PCIF1: variants seen among roughly 807,000 people sequenced by gnomAD.
PCIF1 encodes the protein phosphorylated CTD interacting factor 1, also known as mRNA (2'-O-methyladenosine-N(6)-)-methyltransferase.
A neutral mutation model predicts 86.9 loss-of-function variants in PCIF1; 12 were observed. The observed-to-expected ratio is 0.14, with a 90% confidence interval of 0.09 to 0.22. PCIF1 has a LOEUF of 0.22. Among genes scored for constraint, PCIF1 ranks in the 10% least tolerant of loss-of-function variants. The probability of loss-of-function intolerance (pLI) is 1.00; values close to 1 mark genes in which losing one functional copy is unlikely to be tolerated. For missense variants in PCIF1, 701 were observed against 951.1 expected (o/e 0.74, Z 3.46); for synonymous variants, 397 against 372.0 (o/e 1.07, Z -0.77).
Position 45,940,660 on chromosome 20 carries a change from G to A in PCIF1, c.387+48G>A, listed in dbSNP as rs78792495. 2.7e-4 allele frequency: 427 copies of A among 1,579,208 alleles called. No individual in the cohort carries two copies. The African/African-American group carries it at 5.1e-3, about 19-fold the overall frequency. ...CGGCTGCCGAGCGGCCGGCTCAGAC[G>A]GGCCGCCTGCAGGCTCCCTGCAGGG... On this transcript the variant is annotated intron_variant, in intron 5 of 16. Coordinates refer to ENST00000372409, the MANE Select transcript of PCIF1 (RefSeq NM_022104.4).
intron 13 of PCIF1, 31 bp from the exon 14 acceptor site, chr20:45,946,169 G>T: frequency 6.2e-7 from 1 of 1,614,156 alleles, no homozygotes; most frequent in Admixed American, 1.7e-5. Flanking sequence ...GGGAGGGTGA[G>T]CCCCAGGTGC....
At chr20:45,939,168 C>T (rs376566494) in intron 3 of PCIF1, 45 bp downstream of exon 3, 1 of 1,613,992 alleles carries the variant, frequency 6.2e-7, no homozygotes, top group Admixed American at 1.7e-5. Flanking sequence ...AGGAAGGGCA[C>T]CCTGGGAGCA....
In PCIF1 at chr20:45,939,466, AAGAC is replaced by A. The variant is rs370123669; in HGVS notation, c.249+133_249+136del. The stretch of plus-strand genomic sequence containing the variant: ...GGCACCTGCAGATACAATGACAAGC[AAGAC>A]AGACACAGCCCCTGCCCTCATGGAA... On this transcript the variant is annotated intron_variant, in intron 4 of 16. Transcript: ENST00000372409. 29 of 1,372,862 alleles carry A rather than the reference AAGAC, an allele frequency of 2.1e-5. No homozygotes were observed. The African/African-American group carries it at 2.1e-4, about 10-fold the overall frequency. The allele number at this position is 1,372,862 out of a possible 1,614,324, so 85.0% of individuals were successfully genotyped here.
Position 45,941,265 on chromosome 20 carries a change from G to GT in PCIF1, c.673+61dup, listed in dbSNP as rs1336659844. 1.9e-6 allele frequency: 3 copies of GT among 1,541,650 alleles called. No homozygotes were observed. In the Admixed American group the frequency reaches 5.8e-5, roughly 30 times the overall value. ...TCCACCCACCTTTAGCATGAGCCAG[G>GT]TTTGGCCAGGCCAGTTTGGGGATGG... is the stretch of plus-strand genomic sequence containing the variant. On this transcript the variant is annotated intron_variant, in intron 7 of 16. Transcript: ENST00000372409.
intron 1 of PCIF1, among the ~76,000 whole-genome samples, chr20:45,936,119 G>T (rs2083423327): frequency 6.6e-6 from 1 of 152,146 alleles, no homozygotes; most frequent in South Asian, 2.1e-4. Flanking sequence ...ACAGATCAGT[G>T]ATAGGTATGT....
rs887263153 is a variant in PCIF1, at chr20:45,939,419, G to T, written c.249+80G>T. The T allele has an allele frequency of 2.5e-6, 4 of 1,584,346 alleles. No individual in the cohort carries two copies. The African/African-American group carries it at 4.0e-5, about 16-fold the overall frequency. On this transcript the variant is annotated intron_variant, in intron 4 of 16. Coordinates refer to ENST00000372409, the MANE Select transcript of PCIF1 (RefSeq NM_022104.4). ...TTCCCCAAATGTACCCTGAGCAGCC[G>T]TTCAGTGCCCAGCCCTGTGCTGGCA...
chr20:45,935,161 C>G (rs2083409569), intron 1 of PCIF1, among the ~76,000 whole-genome samples: 1 of 151,058 alleles, frequency 6.6e-6, no homozygotes, highest in African/African-American at 2.4e-5. Flanking sequence ...CGCCAAACAG[C>G]CCACCCTCGC....
intron 7 of PCIF1, among the ~76,000 whole-genome samples, chr20:45,941,686 C>G (rs2083471494): frequency 6.6e-6 from 1 of 151,786 alleles, no homozygotes; most frequent in Non-Finnish European, 1.5e-5. Context: ...TCCTGAACTC[C>G]TGACCTTGTG....
chr20:45,939,400 A>T, intron 4 of PCIF1, 61 bp downstream of exon 4: 2 of 1,603,908 alleles, frequency 1.2e-6, no homozygotes, highest in Non-Finnish European at 1.7e-6. Flanking sequence ...GGCCTTCCCC[A>T]AATGTACCCT....
Position 45,943,126 on chromosome 20 carries a change from C to T in PCIF1, c.703C>T (p.Arg235Cys). ...TGAGCCTCCACGGGAGTCTTTCAAC[C>T]GCTGGATGCTGGAGCGCAAGGTGGT... ...GIEPPRESFN[R>C]WMLERKVVDK... is the part of the protein sequence containing the mutation. Residue 235 changes from arginine to cysteine, a missense_variant, in exon 8 of 17, where the codon CGC (arginine) becomes TGC (cysteine). By Grantham distance (180) the Arg-to-Cys change is radical. This residue lies in a region of PCIF1 where 129 missense variants were observed against 245.9 expected (regional missense o/e 0.52). Transcript: ENST00000372409. This position sits in a 1 kb window ranked among gnomAD's most constrained non-coding sequence, Gnocchi z 5.5. The T allele has an allele frequency of 6.2e-7, 1 of 1,613,976 alleles. No individual in the cohort carries two copies. Among genetic ancestry groups the T allele is most frequent in the Non-Finnish European group, 8.5e-7 (1 of 1,180,008 alleles).
chr20:45,943,119 T>C lies in PCIF1; in HGVS notation c.696T>C (p.Ser232=). The C allele has an allele frequency of 1.9e-6, 3 of 1,614,014 alleles. No individual in the cohort carries two copies. Among genetic ancestry groups the C allele is most frequent in the Non-Finnish European group, 2.5e-6 (3 of 1,180,032 alleles). Reference sequence around the variant, plus strand: ...CAGGCATTGAGCCTCCACGGGAGTCTTTCAACCGCTGGATGCTGGAGCGCA... The same window carrying C: ...CAGGCATTGAGCCTCCACGGGAGTCCTTCAACCGCTGGATGCTGGAGCGCA... ...QREGIEPPRE[S]FNRWMLERKV... is the part of the protein sequence containing the mutation. The change falls in exon 8 of 17, where the codon TCT becomes TCC. Residue 232 remains serine, a synonymous_variant. Transcript: ENST00000372409. This position sits in a 1 kb window ranked among gnomAD's most constrained non-coding sequence, Gnocchi z 5.5.
chr20:45,939,066 T>G lies in PCIF1; in HGVS notation c.67T>G (p.Ser23Ala). The G allele has an allele frequency of 6.2e-7, 1 of 1,613,758 alleles. No homozygotes were observed. The highest frequency in any genetic ancestry group is 1.1e-5 in the South Asian group (1 of 91,048). The change falls in exon 3 of 17, where the codon TCC (serine) becomes GCC (alanine). Residue 23 changes from serine (S) to alanine (A), a missense_variant. By Grantham distance (99) the Ser-to-Ala change is moderately conservative. Coordinates refer to ENST00000372409, the MANE Select transcript of PCIF1 (RefSeq NM_022104.4). ...ASLLSHSPGT[S>A]NQSQPCSPKP... The stretch of plus-strand genomic sequence containing the variant: ...CCTGCTGAGTCACTCCCCAGGTACC[T>G]CCAATCAGAGCCAGCCCTGTTCTCC...
At position 45,947,347 on chromosome 20, in the gene PCIF1, C is replaced by A. The variant is rs144987485; in HGVS notation, c.1792C>A (p.Arg598Ser). The change falls in exon 16 of 17, where the codon CGC becomes AGC. Residue 598 changes from arginine (R) to serine (S), a missense_variant. By Grantham distance (110) the Arg-to-Ser change is moderately radical (BLOSUM62 -1). Transcript: ENST00000372409. This position sits in a 1 kb window ranked among gnomAD's most constrained non-coding sequence, Gnocchi z 5.4. ...WREPPTPALT[R>S]MEQSRFKRHQ... is the part of the protein sequence containing the mutation. The stretch of plus-strand genomic sequence containing the variant: ...GGAACCCCCAACACCAGCGCTCACC[C>A]GCATGGAGCAGAGCCGCTTCAAACG... 5 of 1,614,032 alleles carry A rather than the reference C, an allele frequency of 3.1e-6. No homozygotes were observed. The highest frequency in any genetic ancestry group is 4.2e-6 in the Non-Finnish European group (5 of 1,180,020).
At chr20:45,942,912 T>G (rs190821461) in intron 7 of PCIF1, among the ~76,000 whole-genome samples, 185 bp from the exon 8 acceptor site, 2 of 151,856 alleles carry the variant, frequency 1.3e-5, no homozygotes, top group Non-Finnish European at 2.9e-5. Flanking sequence ...TACGCCTGGC[T>G]AGATACTTAT....
At position 45,937,447 on chromosome 20, in the gene PCIF1, C is replaced by T. The variant is rs142527107; in HGVS notation, c.-158C>T. ...TGATGCAAGGAATCCCCTGGGCTCC[C>T]GTCCACTCCACTGCTGACCAGCCCA... On this transcript the variant is annotated 5_prime_UTR_variant, in exon 2 of 17. Transcript: ENST00000372409. The T allele has an allele frequency of 1.8e-5, 7 of 399,322 alleles. No homozygotes were observed. The highest frequency in any genetic ancestry group is 1.3e-4 in the South Asian group (1 of 7,854). The allele number at this position is 399,322 out of a possible 1,614,324, so 24.7% of individuals were successfully genotyped here.
Position 45,943,649 on chromosome 20 carries a change from C to A in PCIF1, c.906-17C>A. 6.4e-7 allele frequency: 1 copy of A among 1,553,064 alleles called. No homozygotes were observed. The highest frequency in any genetic ancestry group is 8.7e-7 in the Non-Finnish European group (1 of 1,146,940). On this transcript the variant is annotated splice_polypyrimidine_tract_variant and intron_variant, in intron 9 of 16. Coordinates refer to ENST00000372409, the MANE Select transcript of PCIF1 (RefSeq NM_022104.4). The surrounding 1 kb of genome is among the most constrained non-coding windows in gnomAD (Gnocchi z 5.5). ...AGCCAAGCCATTCCTTTCTTCTGCC[C>A]TCCCCTTGACTGGCAGGAGTGCATC...
chr20:45,935,371 T>G (rs1256558623), intron 1 of PCIF1, among the ~76,000 whole-genome samples: 1 of 151,790 alleles, frequency 6.6e-6, no homozygotes, highest in East Asian at 1.9e-4. Context: ...TTCTGGTGGG[T>G]TTTTCTGGTT....
Position 45,941,188 on chromosome 20 carries a change from G to A in PCIF1, c.654G>A (p.Glu218=), listed in dbSNP as rs767488854. 8.7e-6 allele frequency: 14 copies of A among 1,609,084 alleles called. No individual in the cohort carries two copies. The highest frequency in any genetic ancestry group is 1.3e-5 in the African/African-American group (1 of 74,956). The change falls in exon 7 of 17, where the codon GAG becomes GAA. Residue 218 remains glutamate (E), a synonymous_variant. Coordinates refer to ENST00000372409, the MANE Select transcript of PCIF1 (RefSeq NM_022104.4). ...LILKLRQHYR[E]LCQQREGIEP... Reference sequence around the variant, plus strand: ...TGAAGCTTCGGCAGCACTATCGGGAGCTGTGCCAGCAGCGAGAGGGTACCT... The same window carrying A: ...TGAAGCTTCGGCAGCACTATCGGGAACTGTGCCAGCAGCGAGAGGGTACCT...
At chr20:45,936,095 G>C (rs1433481182) in intron 1 of PCIF1, among the ~76,000 whole-genome samples, 1 of 152,152 alleles carries the variant, frequency 6.6e-6, no homozygotes, top group Non-Finnish European at 1.5e-5. Flanking sequence ...TGGGAGGCTT[G>C]GGATTGTGCC....
Sources: gnomAD v4.1 joint callset for allele counts (sites outside exome capture counted in the v4.1 genomes callset) on GRCh38, gnomAD v4.1.1 for gene constraint, gnomAD v4.1.1 regional missense constraint, Gnocchi (gnomAD v3.1) non-coding constraint, MANE v1.5 for transcripts, NCBI Gene and HGNC (gene_info 2026-07-23, HGNC 2026-07-21) for gene names.